Variants in PABPC1L observed in about 807,000 individuals in gnomAD.
PABPC1L encodes the protein polyadenylate-binding protein 1-like.
PABPC1L carries 31 observed loss-of-function variants against 66.6 expected under a neutral mutation model. That is an observed-to-expected ratio of 0.47 (90% confidence interval 0.35 to 0.63). The LOEUF is 0.63. Among genes scored for constraint, PABPC1L ranks in the 20% least tolerant of loss-of-function variants. PABPC1L has a pLI of 0.00. For synonymous variants in PABPC1L, 348 were observed against 335.1 expected (o/e 1.04, Z -0.42); for missense variants, 722 against 848.8 (o/e 0.85, Z 1.86).
chr20:44,919,515 A>T (rs1483770131), intron 5 of PABPC1L, among the ~76,000 whole-genome samples: 1 of 152,226 alleles, frequency 6.6e-6, no homozygotes, highest in African/African-American at 2.4e-5. Context: ...GGGATGCAGA[A>T]GTCATTATTA....
At chr20:44,938,922 TG>T (rs1300727545) in intron 14 of PABPC1L, among the ~76,000 whole-genome samples, 174 bp downstream of exon 14, 2 of 152,120 alleles carry the variant, frequency 1.3e-5, no homozygotes, top group Admixed American at 1.3e-4. Context: ...GTGATCGGAA[TG>T]GGGGGTGGTG....
chr20:44,931,087 C>CCCTTCCTTCCTTCCTTCCTTCCTT (rs1378700010), intron 8 of PABPC1L, among the ~76,000 whole-genome samples: 1 of 38,430 alleles, frequency 2.6e-5, no homozygotes, highest in African/African-American at 9.0e-5. Context: ...CTCCCTCCCT[C>CCCTTCCTTCCTTCCTTCCTTCCTT]CCTTCCTTCC....
chr20:44,913,707 A>T (rs1458791678), intron 2 of PABPC1L, among the ~76,000 whole-genome samples: 3 of 152,050 alleles, frequency 2.0e-5, no homozygotes, highest in African/African-American at 7.2e-5. Context: ...GGCCTCTTTC[A>T]CTACATTCTA....
At chr20:44,916,683 G>C in intron 2 of PABPC1L, 73 bp from the exon 3 acceptor site, 1 of 1,412,216 alleles carries the variant, frequency 7.1e-7, no homozygotes, top group Non-Finnish European at 1.0e-6. Flanking sequence ...GACTGGTCGT[G>C]ATCACCTTTG....
chr20:44,931,077 C>CT (rs1452862011), intron 8 of PABPC1L, among the ~76,000 whole-genome samples: 47 of 84,856 alleles, frequency 5.5e-4, no homozygotes, highest in Non-Finnish European at 9.2e-4. Flanking sequence ...CCCTCCCTCC[C>CT]TCCCTCCCTC....
chr20:44,933,206 G>C (rs772623015), intron 10 of PABPC1L, 21 bp downstream of exon 10: 54 of 1,576,432 alleles, frequency 3.4e-5, no homozygotes, highest in Non-Finnish European at 4.5e-5. Context: ...GTAGGGCCAA[G>C]GGGAATGGGG....
intron 5 of PABPC1L, 147 bp from the exon 6 acceptor site, chr20:44,921,447 C>T (rs1041028080): frequency 3.3e-6 from 4 of 1,197,618 alleles, no homozygotes; most frequent in Non-Finnish European, 4.6e-6. Flanking sequence ...AGTGGGTATA[C>T]TTAAATGGCC....
At position 44,933,202 on chromosome 20, in the gene PABPC1L, C is replaced by T. The variant is rs2066875606; in HGVS notation, c.1459+17C>T. On this transcript the variant is annotated intron_variant, in intron 10 of 14. Coordinates refer to ENST00000217073, the MANE Select transcript of PABPC1L (RefSeq NM_001372179.1). ...AGAGAGTAGGTGAGTGTGGGTAGGG[C>T]CAAGGGGAATGGGGGTGGGGCAAAG... is the stretch of plus-strand genomic sequence containing the variant. The T allele has an allele frequency of 6.3e-7, 1 of 1,583,324 alleles. No homozygotes were observed. The highest frequency in any genetic ancestry group is 1.3e-5 in the African/African-American group (1 of 74,442).
At position 44,912,748 on chromosome 20, in the gene PABPC1L, C is replaced by T. The variant is rs371181563; in HGVS notation, c.282C>T (p.Arg94=). ...IMWSQRDPGL[R]KSGVGNIFIK... ...GGTCCCAGCGAGACCCAGGACTTCG[C>T]AAGTCAGGTGTGGGCAACATCTTCA... is the stretch of plus-strand genomic sequence containing the variant. The change falls in exon 2 of 15, where the codon CGC becomes CGT. Residue 94 remains arginine, a synonymous_variant. Transcript: ENST00000217073. 3 of 1,614,020 alleles carry T rather than the reference C, an allele frequency of 1.9e-6. No individual in the cohort carries two copies. The highest frequency in any genetic ancestry group is 2.7e-5 in the African/African-American group (2 of 74,922).
intron 7 of PABPC1L, among the ~76,000 whole-genome samples, chr20:44,930,000 G>A (rs539618621): frequency 1.5e-4 from 23 of 152,110 alleles, no homozygotes; most frequent in African/African-American, 3.9e-4. Context: ...CCTGGCTAAC[G>A]TATGAACCAC....
chr20:44,922,760 A>G (rs2145565502), intron 6 of PABPC1L, among the ~76,000 whole-genome samples: 1 of 152,332 alleles, frequency 6.6e-6, no homozygotes, highest in Non-Finnish European at 1.5e-5. Flanking sequence ...ACACATACTC[A>G]GTAGTTCTCA....
rs753318746 is a variant in PABPC1L at position 44,921,687 on chromosome 20, C to G, written c.832C>G (p.Arg278Gly). 5 of 1,613,808 alleles carry G rather than the reference C, an allele frequency of 3.1e-6. No homozygotes were observed. Among genetic ancestry groups the G allele is most frequent in the Non-Finnish European group, 4.2e-6 (5 of 1,179,948 alleles). The change falls in exon 6 of 15, where the codon CGC becomes GGC. Residue 278 changes from arginine to glycine, a missense_variant. Physicochemically the swap from Arg to Gly is moderately radical, Grantham distance 125 (BLOSUM62 -2). This residue lies in a region of PABPC1L where 137 missense variants were observed against 216.8 expected (regional missense o/e 0.63). Coordinates refer to ENST00000217073, the MANE Select transcript of PABPC1L (RefSeq NM_001372179.1). ...KRVERQNELK[R>G]RFEQMKQDRL... ...CGTGGAGCGGCAGAATGAACTGAAG[C>G]GCAGGTTTGAGCAGATGAAGCAGGA...
intron 12 of PABPC1L, among the ~76,000 whole-genome samples, chr20:44,937,415 A>G (rs1568653955): frequency 6.9e-6 from 1 of 143,950 alleles, no homozygotes; most frequent in African/African-American, 2.6e-5. Flanking sequence ...TCACCCCGAA[A>G]TTTTTTTTTT....
At chr20:44,913,686 C>A (rs1480521753) in intron 2 of PABPC1L, among the ~76,000 whole-genome samples, 1 of 152,066 alleles carries the variant, frequency 6.6e-6, no homozygotes, top group Non-Finnish European at 1.5e-5. Flanking sequence ...CAGCCATGAG[C>A]CACCGCACCT....
At chr20:44,911,474 A>G (rs746143064) in intron 1 of PABPC1L, among the ~76,000 whole-genome samples, 1 of 152,204 alleles carries the variant, frequency 6.6e-6, no homozygotes, top group African/African-American at 2.4e-5. Flanking sequence ...AACACAAAAC[A>G]AAACAACAAA....
intron 2 of PABPC1L, among the ~76,000 whole-genome samples, chr20:44,915,976 G>A (rs147805754): frequency 1.5e-3 from 225 of 152,190 alleles, no homozygotes; most frequent in African/African-American, 5.3e-3. Context: ...TTTCCAATGT[G>A]TAGATGCCTA....
At chr20:44,921,371 T>C (rs112252593) in intron 5 of PABPC1L, among the ~76,000 whole-genome samples, 1,843 of 151,920 alleles carry the variant, frequency 0.012, 32 homozygotes, top group African/African-American at 0.04. Flanking sequence ...TGGTCTCGAA[T>C]TCCTGACCTC....
chr20:44,938,782 G>C, intron 14 of PABPC1L, 34 bp downstream of exon 14: 3 of 1,586,274 alleles, frequency 1.9e-6, no homozygotes, highest in Non-Finnish European at 2.6e-6. Flanking sequence ...AGCTGAGCCC[G>C]GGAGAAGCTG....
chr20:44,932,308 A>G lies in PABPC1L; in HGVS notation c.1240-34A>G, dbSNP rs769213955. 31 of 1,559,108 alleles carry G rather than the reference A, an allele frequency of 2.0e-5. No homozygotes were observed. The highest frequency in any genetic ancestry group is 5.4e-5 in the Admixed American group (3 of 55,512). On this transcript the variant is annotated intron_variant, in intron 8 of 14. Coordinates refer to ENST00000217073, the MANE Select transcript of PABPC1L (RefSeq NM_001372179.1). ...TAGCTTCTCACCTACCCTGCCGCCA[A>G]GCCCCTCAGTCTGGGTCTTCTTTTC...
Sources: allele counts gnomAD v4.1 joint callset (sites outside exome capture counted in the v4.1 genomes callset), GRCh38; gene constraint gnomAD v4.1.1; regional missense constraint gnomAD v4.1.1; transcripts MANE v1.5; gene names NCBI Gene and HGNC (gene_info 2026-07-23, HGNC 2026-07-21).